The following FAM169A variants were observed in gnomAD, a reference collection of about 807,000 sequenced individuals.
The protein encoded by FAM169A is soluble lamin-associated protein of 75 kDa.
Under a neutral mutation model 75.7 loss-of-function variants are expected in FAM169A, and 24 were observed. The observed-to-expected ratio is 0.32, with a 90% CI of 0.23 to 0.45. FAM169A has a LOEUF of 0.45. FAM169A is among the 20% of genes least tolerant of loss of function. The probability of loss-of-function intolerance (pLI) is 1.00; values close to 1 mark genes in which losing one functional copy is unlikely to be tolerated. For synonymous variants in FAM169A, 271 were observed against 271.0 expected, an observed-to-expected ratio of 1.00 and a Z score of 0.00; for missense variants, 673 against 784.0, an observed-to-expected ratio of 0.86 and a Z score of 1.69.
At position 74,780,033 on chromosome 5, in the gene FAM169A, AAAGAG is replaced by A. The variant is rs1384429364; in HGVS notation, c.*1422_*1426del. 6.6e-6 allele frequency: 1 copy of A among 152,080 alleles called. No homozygotes were observed. The highest frequency in any genetic ancestry group is 1.5e-5 in the Non-Finnish European group (1 of 68,046). The allele number at this position is 152,080 out of a possible 1,614,324, so 9.4% of individuals were successfully genotyped here. On this transcript the variant is annotated 3_prime_UTR_variant, in exon 13 of 13. Transcript: ENST00000687041. ...AAATTTGAGTACACATAATATTTCC[AAAGAG>A]TAGAACTGTTTTTAGATTATCTTTG...
At chr5:74,800,040 G>A in intron 10 of FAM169A, 1 of 738,642 alleles carries the variant, frequency 1.4e-6, no homozygotes, top group Non-Finnish European at 2.5e-6. Context: ...TGGCATCGAT[G>A]GAGAGCCATG....
At chr5:74,808,412 G>A (rs574475488) in intron 6 of FAM169A, among the ~76,000 whole-genome samples, 1 of 148,956 alleles carries the variant, frequency 6.7e-6, no homozygotes, top group African/African-American at 2.6e-5. Context: ...TTTAGATGAG[G>A]TAGCTAGCAT....
At position 74,866,314 on chromosome 5, in the gene FAM169A, G is replaced by A. The variant is rs1750342999; in HGVS notation, c.-153C>T. On this transcript the variant is annotated 5_prime_UTR_variant, in exon 1 of 13. Coordinates refer to ENST00000687041, the MANE Select transcript of FAM169A (RefSeq NM_001376049.1). ...GCCAGGGCGAGTGCGGCTGCCTCCC[G>A]CTCGCCCCGGACGCCCGGCTCCTCG... 2 of 983,912 alleles carry A rather than the reference G, an allele frequency of 2.0e-6. No individual in the cohort carries two copies. Among genetic ancestry groups the A allele is most frequent in the South Asian group, 4.7e-5 (1 of 21,184 alleles). 60.9% of individuals were successfully genotyped at this position (983,912 alleles called of 1,614,324 possible). A position where few individuals can be genotyped will look rare whatever the true frequency, so the allele number is the denominator to read the frequency against.
At chr5:74,783,956 G>A (rs1476744744) in intron 11 of FAM169A, among the ~76,000 whole-genome samples, 3 of 151,880 alleles carry the variant, frequency 2.0e-5, no homozygotes, top group Non-Finnish European at 2.9e-5. Flanking sequence ...GAGAAATCAC[G>A]GTTTTTAATT....
At position 74,778,250 on chromosome 5, in the gene FAM169A, CAA is replaced by C. The variant is rs1393295735; in HGVS notation, c.*3208_*3209del. The C allele has an allele frequency of 6.6e-6, 1 of 151,882 alleles. No individual in the cohort carries two copies. The highest frequency in any genetic ancestry group is 1.5e-5 in the Non-Finnish European group (1 of 67,866). 9.4% of individuals were successfully genotyped at this position (151,882 alleles called of 1,614,324 possible). On this transcript the variant is annotated 3_prime_UTR_variant, in exon 13 of 13. Coordinates refer to ENST00000687041, the MANE Select transcript of FAM169A (RefSeq NM_001376049.1). ...ACTAGATGACACCTGAAACATTTTT[CAA>C]AATACTGTAACACAGATGAGTAATA...
chr5:74,844,446 T>C (rs1385609353), intron 1 of FAM169A, among the ~76,000 whole-genome samples: 1 of 151,464 alleles, frequency 6.6e-6, no homozygotes, highest in Non-Finnish European at 1.5e-5. Flanking sequence ...AGTGGGACCT[T>C]GTCTCAAAAA....
At chr5:74,857,110 A>T (rs1749752142) in intron 1 of FAM169A, among the ~76,000 whole-genome samples, 1 of 101,120 alleles carries the variant, frequency 9.9e-6, no homozygotes, top group Non-Finnish European at 1.9e-5. Context: ...CTCCACCTCA[A>T]AAAAAAAAAA....
intron 11 of FAM169A, among the ~76,000 whole-genome samples, chr5:74,789,332 G>A (rs371544216): frequency 2.7e-4 from 41 of 152,266 alleles, no homozygotes; most frequent in African/African-American, 9.9e-4. Flanking sequence ...AAGTTTCTAG[G>A]GGTCCAGTGG....
chr5:74,865,074 A>G (rs1580185506), intron 1 of FAM169A, among the ~76,000 whole-genome samples: 1 of 152,258 alleles, frequency 6.6e-6, no homozygotes. Context: ...GCATTATGCA[A>G]CAGCCAGCAC....
chr5:74,839,522 AT>A (rs200682932), intron 3 of FAM169A, among the ~76,000 whole-genome samples: 27,736 of 130,690 alleles, frequency 0.21, 2,417 homozygotes, highest in Middle Eastern at 0.27. Context: ...TCAATTTTTA[AT>A]TTTTTTTTTT....
At chr5:74,805,990 A>AAG (rs942932422) in intron 6 of FAM169A, among the ~76,000 whole-genome samples, 10 of 151,666 alleles carry the variant, frequency 6.6e-5, no homozygotes, top group South Asian at 2.1e-4. Flanking sequence ...AAAAAAAAAA[A>AAG]AAAGAAATAA....
intron 10 of FAM169A, among the ~76,000 whole-genome samples, chr5:74,796,582 T>A (rs111719820): frequency 0.01 from 1,565 of 152,254 alleles, 18 homozygotes; most frequent in South Asian, 0.021. Context: ...TTTTTTGTAT[T>A]TTTAGTAAAG....
rs528477367 is a variant in FAM169A at position 74,785,844 on chromosome 5, T to C, written c.1261-2710A>G. On this transcript the variant is annotated intron_variant, in intron 11 of 12. Coordinates refer to ENST00000687041, the MANE Select transcript of FAM169A (RefSeq NM_001376049.1). ...AATAGATAATTCTCAAAAGAAGATA[T>C]ACAAATGGCCAACAAACATGGAAAA... 3.3e-5 allele frequency among the ~76,000 whole-genome samples: 5 copies of C among 152,308 alleles called. No homozygotes were observed. In the South Asian group the frequency reaches 6.2e-4, roughly 19 times the overall value.
chr5:74,823,253 G>A (rs1483610503), intron 5 of FAM169A, among the ~76,000 whole-genome samples: 2 of 152,088 alleles, frequency 1.3e-5, no homozygotes, highest in African/African-American at 4.8e-5. Context: ...CCTTATTCAG[G>A]ATGTAGTTCC....
chr5:74,786,774 T>C (rs1430548343), intron 11 of FAM169A, among the ~76,000 whole-genome samples: 3 of 152,154 alleles, frequency 2.0e-5, no homozygotes, highest in Non-Finnish European at 2.9e-5. Flanking sequence ...CAACCTCTTA[T>C]CATGTAAGTG....
chr5:74,783,675 C>G (rs1405532174), intron 11 of FAM169A, among the ~76,000 whole-genome samples: 1 of 152,116 alleles, frequency 6.6e-6, no homozygotes, highest in African/African-American at 2.4e-5. Flanking sequence ...TCAGTCAACA[C>G]CAGGGTCATT....
At chr5:74,858,113 C>A (rs62367765) in intron 1 of FAM169A, among the ~76,000 whole-genome samples, 12,932 of 151,860 alleles carry the variant, frequency 0.085, 690 homozygotes, top group Admixed American at 0.17. Flanking sequence ...CAAGGCCAGG[C>A]GCGGTGGCTC....
At position 74,780,757 on chromosome 5, in the gene FAM169A, C is replaced by T. The variant is rs1391098817; in HGVS notation, c.*703G>A. 1.3e-5 allele frequency: 2 copies of T among 152,030 alleles called. No homozygotes were observed. The highest frequency in any genetic ancestry group is 2.9e-5 in the Non-Finnish European group (2 of 67,998). The allele number at this position is 152,030 out of a possible 1,614,324, so 9.4% of individuals were successfully genotyped here. A position where few individuals can be genotyped will look rare whatever the true frequency, so the allele number is the denominator to read the frequency against. On this transcript the variant is annotated 3_prime_UTR_variant, in exon 13 of 13. Coordinates refer to ENST00000687041, the MANE Select transcript of FAM169A (RefSeq NM_001376049.1). The stretch of plus-strand genomic sequence containing the variant: ...CAAATGAAATTTTAAATAATTAGTC[C>T]CCACATGCCACAGTTAAATCCCTGA...
Position 74,806,532 on chromosome 5 carries a change from A to C in FAM169A, c.671-1248T>G, listed in dbSNP as rs1240493177. Among the ~76,000 whole-genome samples, 3 of 152,208 alleles carry C rather than the reference A, an allele frequency of 2.0e-5. No individual in the cohort carries two copies. In the East Asian group the frequency reaches 5.8e-4, roughly 29 times the overall value. ...TCACAGTCCATGATGAAAAAGTATG[A>C]TCTATTAAGATTTAAAACCTAGTAT... On this transcript the variant is annotated intron_variant, in intron 6 of 12. Coordinates refer to ENST00000687041, the MANE Select transcript of FAM169A (RefSeq NM_001376049.1).
Sources: allele counts gnomAD v4.1 joint callset (sites outside exome capture counted in the v4.1 genomes callset), GRCh38; gene constraint gnomAD v4.1.1; transcripts MANE v1.5; gene names NCBI Gene and HGNC (gene_info 2026-07-23, HGNC 2026-07-21).